The following CSGALNACT1 variants were observed in gnomAD, a reference collection of about 807,000 sequenced individuals.
The protein encoded by CSGALNACT1 is chondroitin sulfate N-acetylgalactosaminyltransferase 1.
Under a neutral mutation model 51.0 loss-of-function variants are expected in CSGALNACT1, and 52 were observed. That is an observed-to-expected ratio of 1.02 (90% CI 0.82 to 1.29). The LOEUF is 1.29. Ranked by LOEUF, CSGALNACT1 falls within the 50% of genes most tolerant of loss-of-function variation. The probability of loss-of-function intolerance (pLI) is 0.00; values close to 1 mark genes in which losing one functional copy is unlikely to be tolerated. For missense variants in CSGALNACT1, 935 were observed against 679.2 expected, an observed-to-expected ratio of 1.38 and a Z score of -4.19; for synonymous variants, 341 against 254.4, an observed-to-expected ratio of 1.34 and a Z score of -3.24.
intron 6 of CSGALNACT1, among the ~76,000 whole-genome samples, chr8:19,438,446 A>C (rs183888636): frequency 2.0e-5 from 3 of 152,278 alleles, no homozygotes; most frequent in Admixed American, 1.3e-4. Context: ...GGAGTCGAGG[A>C]ATTTCTATGT....
intron 1 of CSGALNACT1, among the ~76,000 whole-genome samples, chr8:19,700,620 C>T (rs1224824907): frequency 6.6e-6 from 1 of 152,148 alleles, no homozygotes; most frequent in Non-Finnish European, 1.5e-5. Flanking sequence ...CCTGCACCTA[C>T]AATTGATTGA....
rs1037853910 is a variant in CSGALNACT1, at chr8:19,408,792, T to A, written c.1228-98A>T. On this transcript the variant is annotated intron_variant, in intron 8 of 9. Transcript: ENST00000454498. Reference sequence around the variant, plus strand: ...GAGCCACCGTGGAGTGTGGAGCCCATCCCATCACTGATAAACAGCCTCCAC... The same window carrying A: ...GAGCCACCGTGGAGTGTGGAGCCCAACCCATCACTGATAAACAGCCTCCAC... 4 of 1,029,124 alleles carry A rather than the reference T, an allele frequency of 3.9e-6. No individual in the cohort carries two copies. The African/African-American group carries it at 6.3e-5, about 16-fold the overall frequency. 63.7% of individuals were successfully genotyped at this position (1,029,124 alleles called of 1,614,324 possible).
At chr8:19,480,284 G>A (rs1390819863) in intron 4 of CSGALNACT1, among the ~76,000 whole-genome samples, 1 of 152,088 alleles carries the variant, frequency 6.6e-6, no homozygotes, top group East Asian at 1.9e-4. Flanking sequence ...TCAGAGGTAG[G>A]CACCAGTGTG....
At chr8:19,439,484 T>C (rs758747638) in intron 6 of CSGALNACT1, among the ~76,000 whole-genome samples, 9 of 152,202 alleles carry the variant, frequency 5.9e-5, no homozygotes, top group Admixed American at 3.3e-4. Flanking sequence ...CTCTCCCTAA[T>C]TCCTACTCTG....
chr8:19,564,177 T>C (rs1379116040), intron 3 of CSGALNACT1, among the ~76,000 whole-genome samples: 1 of 152,178 alleles, frequency 6.6e-6, no homozygotes, highest in African/African-American at 2.4e-5. Context: ...AACCAGGTCA[T>C]ATCACTCCCT....
At chr8:19,675,562 G>T (rs2060114530) in intron 1 of CSGALNACT1, among the ~76,000 whole-genome samples, 1 of 151,836 alleles carries the variant, frequency 6.6e-6, no homozygotes, top group African/African-American at 2.4e-5. Context: ...GCGCGATCTT[G>T]GCTCCCTATC....
intron 6 of CSGALNACT1, among the ~76,000 whole-genome samples, chr8:19,427,893 G>A (rs572564405): frequency 1.3e-5 from 2 of 152,316 alleles, no homozygotes; most frequent in East Asian, 3.9e-4. Flanking sequence ...CAAGGCAAGT[G>A]AGGAAGGGAA....
At chr8:19,530,305 T>TACAC (rs752277554) in intron 3 of CSGALNACT1, among the ~76,000 whole-genome samples, 1 of 149,124 alleles carries the variant, frequency 6.7e-6, no homozygotes, top group African/African-American at 2.5e-5. Flanking sequence ...CATGAATGTG[T>TACAC]ACACATACAC....
At chr8:19,435,830 AT>A (rs1314013221) in intron 6 of CSGALNACT1, among the ~76,000 whole-genome samples, 2 of 152,196 alleles carry the variant, frequency 1.3e-5, no homozygotes, top group Admixed American at 1.3e-4. Flanking sequence ...GCTTTTAAAC[AT>A]TTTGACCATG....
intron 3 of CSGALNACT1, among the ~76,000 whole-genome samples, chr8:19,577,335 G>A (rs1368297796): frequency 4.6e-5 from 7 of 151,524 alleles, no homozygotes; most frequent in African/African-American, 1.5e-4. Flanking sequence ...GGTCAAGGCA[G>A]GGGGACGGCT....
At position 19,578,226 on chromosome 8, in the gene CSGALNACT1, T is replaced by G. The variant is rs568217246; in HGVS notation, c.-297+12934A>C. 1.3e-4 allele frequency among the ~76,000 whole-genome samples: 20 copies of G among 152,318 alleles called. 1 individual carries two copies. In the South Asian group the frequency reaches 3.5e-3, roughly 27 times the overall value. ...GCCATTTGCATTTAAAATAAATATTTATCACCATTTCTAGCATTATCACTC... is the reference window on the plus strand; with the variant it reads ...GCCATTTGCATTTAAAATAAATATTGATCACCATTTCTAGCATTATCACTC... On this transcript the variant is annotated intron_variant, in intron 3 of 9. Transcript: ENST00000454498.
At chr8:19,542,834 G>C (rs979159024) in intron 3 of CSGALNACT1, among the ~76,000 whole-genome samples, 2 of 152,046 alleles carry the variant, frequency 1.3e-5, no homozygotes, top group African/African-American at 4.8e-5. Flanking sequence ...TAAAGCAGTG[G>C]GGTTAATTTT....
chr8:19,442,267 C>T (rs2061435846), intron 5 of CSGALNACT1, among the ~76,000 whole-genome samples: 1 of 152,120 alleles, frequency 6.6e-6, no homozygotes, highest in Non-Finnish European at 1.5e-5. Context: ...GACACATGCA[C>T]ATGTATGTTT....
intron 8 of CSGALNACT1, among the ~76,000 whole-genome samples, chr8:19,412,226 GA>G (rs2055925596): frequency 6.6e-6 from 1 of 152,214 alleles, no homozygotes; most frequent in African/African-American, 2.4e-5. Flanking sequence ...GATCCCAGCA[GA>G]GCACTGCAGG....
chr8:19,670,995 T>G (rs925738637), intron 1 of CSGALNACT1, among the ~76,000 whole-genome samples: 24 of 152,140 alleles, frequency 1.6e-4, no homozygotes, highest in African/African-American at 5.3e-4. Flanking sequence ...AAACTCAAAC[T>G]GACATTAGAC....
chr8:19,659,416 G>A (rs2058574852), intron 1 of CSGALNACT1, among the ~76,000 whole-genome samples: 1 of 152,140 alleles, frequency 6.6e-6, no homozygotes, highest in Non-Finnish European at 1.5e-5. Context: ...CCCAAGACAT[G>A]AATTCTCATT....
intron 3 of CSGALNACT1, among the ~76,000 whole-genome samples, chr8:19,521,645 T>C (rs1255885233): frequency 6.6e-6 from 1 of 152,170 alleles, no homozygotes; most frequent in Non-Finnish European, 1.5e-5. Flanking sequence ...ATCACACTAC[T>C]AGACTCCGTC....
chr8:19,481,433 G>T (rs564992043), intron 4 of CSGALNACT1, among the ~76,000 whole-genome samples: 7 of 152,128 alleles, frequency 4.6e-5, no homozygotes, highest in Admixed American at 1.3e-4. Context: ...GTGCTTAGCA[G>T]GTGCTCGATA....
At chr8:19,628,534 C>G (rs931249229) in intron 1 of CSGALNACT1, among the ~76,000 whole-genome samples, 5 of 152,134 alleles carry the variant, frequency 3.3e-5, no homozygotes, top group African/African-American at 1.2e-4. Flanking sequence ...TTTTACAGAT[C>G]GGGAAACTAA....
Sources: allele counts gnomAD v4.1 joint callset (sites outside exome capture counted in the v4.1 genomes callset), GRCh38; gene constraint gnomAD v4.1.1; transcripts MANE v1.5; gene names NCBI Gene and HGNC (gene_info 2026-07-23, HGNC 2026-07-21).